The following CERS3 variants were observed in gnomAD, a reference collection of about 807,000 sequenced individuals.
CERS3 encodes the protein ceramide synthase 3.
CERS3 carries 33 observed loss-of-function variants against 50.3 expected under a neutral mutation model. The ratio of observed to expected loss-of-function variants is 0.66; its 90% CI spans 0.50 to 0.88. The LOEUF (loss-of-function observed/expected upper bound fraction) is 0.88, where lower values mean the gene tolerates loss of function less well. CERS3 is among the 40% of genes least tolerant of loss of function. The pLI is 0.00. For missense variants in CERS3, 470 were observed against 460.3 expected, an observed-to-expected ratio of 1.02 and a Z score of -0.19; for synonymous variants, 176 against 155.2, an observed-to-expected ratio of 1.13 and a Z score of -0.99.
chr15:100,457,557 GT>G (rs1335107205), intron 10 of CERS3, among the ~76,000 whole-genome samples: 9 of 152,250 alleles, frequency 5.9e-5, no homozygotes, highest in Middle Eastern at 3.4e-3. Flanking sequence ...CTGCATCACT[GT>G]TTTTTTACCT....
intron 2 of CERS3, among the ~76,000 whole-genome samples, chr15:100,515,750 C>T (rs987781170): frequency 6.6e-6 from 1 of 152,150 alleles, no homozygotes; most frequent in Non-Finnish European, 1.5e-5. Flanking sequence ...CCCCTCCCCA[C>T]CTTTTGGTTG....
intron 10 of CERS3, 46 bp downstream of exon 10, chr15:100,469,332 C>T: frequency 1.4e-6 from 2 of 1,478,556 alleles, no homozygotes; most frequent in Non-Finnish European, 1.9e-6. Flanking sequence ...ACTGAGGCCA[C>T]CTCTGCACAC....
chr15:100,504,239 CTTT>C (rs55640205), intron 2 of CERS3, among the ~76,000 whole-genome samples: 48,648 of 110,046 alleles, frequency 0.44, 9,729 homozygotes, highest in Middle Eastern at 0.55. Flanking sequence ...TTGGACTATT[CTTT>C]TTTTTTTTTT....
At chr15:100,516,266 AC>A (rs1463915262) in intron 2 of CERS3, among the ~76,000 whole-genome samples, 1 of 152,220 alleles carries the variant, frequency 6.6e-6, no homozygotes. Flanking sequence ...TGAATGCAGC[AC>A]TTCATATACC....
At position 100,455,991 on chromosome 15, in the gene CERS3, A is replaced by T; in HGVS notation, c.901T>A (p.Tyr301Asn). ...ATGAGCTGTAGGTTGAGGAAGATGT[A>T]TGAAAAGAAAGGCTCGAGGTGATAC... Reference protein sequence around the residue: ...PMYHLEPFFSYIFLNLQLMIL... With the variant: ...PMYHLEPFFSNIFLNLQLMIL... Residue 301 changes from tyrosine to asparagine, a missense_variant, in exon 11 of 12, where the codon TAC (tyrosine) becomes AAC (asparagine). Tyr to Asn is a moderately radical substitution (Grantham distance 143). Coordinates refer to ENST00000679737, the MANE Select transcript of CERS3 (RefSeq NM_001378789.1). 1 of 1,613,412 alleles carries T rather than the reference A, an allele frequency of 6.2e-7. No individual in the cohort carries two copies. The highest frequency in any genetic ancestry group is 8.5e-7 in the Non-Finnish European group (1 of 1,179,602).
chr15:100,438,348 A>G (rs1286351494), intron 11 of CERS3, among the ~76,000 whole-genome samples: 3 of 151,984 alleles, frequency 2.0e-5, no homozygotes, highest in Admixed American at 2.0e-4. Flanking sequence ...CCCGGCCTGT[A>G]TTCACTATTT....
rs112307246 is a variant in CERS3, at chr15:100,469,319, T to C, written c.845+59A>G. The C allele has an allele frequency of 2.5e-3, 3,188 of 1,272,838 alleles. 65 individuals carry two copies. The African/African-American group carries it at 0.04, about 16-fold the overall frequency. The allele number at this position is 1,272,838 out of a possible 1,614,324, so 78.8% of individuals were successfully genotyped here. ...AAGGGCAATGCCCTGAGGGTAACCA[T>C]GCACTGAGGCCACCTCTGCACACTG... On this transcript the variant is annotated intron_variant, in intron 10 of 11. Coordinates refer to ENST00000679737, the MANE Select transcript of CERS3 (RefSeq NM_001378789.1).
chr15:100,467,769 C>G (rs11247207), intron 10 of CERS3, among the ~76,000 whole-genome samples: 3 of 129,168 alleles, frequency 2.3e-5, no homozygotes, highest in Non-Finnish European at 3.3e-5. Context: ...CTCTCTCTCT[C>G]TATATATATA....
intron 2 of CERS3, among the ~76,000 whole-genome samples, chr15:100,503,358 G>T (rs2036067936): frequency 6.6e-6 from 1 of 152,142 alleles, no homozygotes; most frequent in Non-Finnish European, 1.5e-5. Flanking sequence ...CCTTTCAGAA[G>T]TATTCTGAAA....
At chr15:100,469,328 G>T in intron 10 of CERS3, 50 bp downstream of exon 10, 1 of 1,427,344 alleles carries the variant, frequency 7.0e-7, no homozygotes, top group Non-Finnish European at 9.9e-7. Context: ...ATGCACTGAG[G>T]CCACCTCTGC....
chr15:100,418,410 T>C (rs887910316), intron 11 of CERS3, among the ~76,000 whole-genome samples: 2 of 150,568 alleles, frequency 1.3e-5, no homozygotes, highest in Admixed American at 6.6e-5. Context: ...GAGCAAAGCC[T>C]CCAAGAAATA....
intron 9 of CERS3, among the ~76,000 whole-genome samples, chr15:100,471,391 T>A (rs925481174): frequency 6.6e-6 from 1 of 152,334 alleles, no homozygotes; most frequent in East Asian, 1.9e-4. Context: ...TAGGGAATCA[T>A]GTCACATCAG....
chr15:100,454,232 T>A (rs1319823587), intron 11 of CERS3, among the ~76,000 whole-genome samples: 3 of 151,652 alleles, frequency 2.0e-5, no homozygotes, highest in Non-Finnish European at 4.4e-5. Context: ...CTACGAAAAA[T>A]TTTAAAAATT....
At chr15:100,470,864 A>T (rs1465117612) in intron 9 of CERS3, among the ~76,000 whole-genome samples, 1 of 152,186 alleles carries the variant, frequency 6.6e-6, no homozygotes, top group Non-Finnish European at 1.5e-5. Context: ...CAAAAGAAAG[A>T]GCTAAGAAAT....
intron 10 of CERS3, among the ~76,000 whole-genome samples, chr15:100,464,983 A>T (rs749418543): frequency 3.9e-5 from 6 of 152,268 alleles, no homozygotes; most frequent in Admixed American, 2.0e-4. Flanking sequence ...AGAGTATGCA[A>T]ATGTGCTTGA....
rs547894221 is a variant in CERS3, at chr15:100,537,844, C to G, written c.-355+6807G>C. 9.2e-5 allele frequency among the ~76,000 whole-genome samples: 14 copies of G among 152,270 alleles called. No homozygotes were observed. In the East Asian group the frequency reaches 2.5e-3, roughly 27 times the overall value. ...TCCCCAAAGTCTTAATTCATTCCAG[C>G]ATTAACCCAAAAGTCCAAGTCCAAA... On this transcript the variant is annotated intron_variant, in intron 1 of 12. Coordinates refer to the CERS3 transcript ENST00000284382.
intron 11 of CERS3, among the ~76,000 whole-genome samples, chr15:100,405,244 AAAAAC>A (rs989333510): frequency 1.0e-4 from 4 of 38,744 alleles, no homozygotes; most frequent in African/African-American, 1.3e-4. Flanking sequence ...AAAAAAAAAA[AAAAAC>A]AAAAAAAAAC....
rs537909964 is a variant in CERS3, at chr15:100,519,511, A to C, written c.-2+2156T>G. 3.2e-4 allele frequency among the ~76,000 whole-genome samples: 48 copies of C among 152,336 alleles called. 2 individuals are homozygous for C. The South Asian group carries it at 9.7e-3, about 31-fold the overall frequency. On this transcript the variant is annotated intron_variant, in intron 2 of 11. Coordinates refer to ENST00000679737, the MANE Select transcript of CERS3 (RefSeq NM_001378789.1). ...CTACTCCCTGGAATATACATACGAA[A>C]GACACTAAACCTACATGGATTCTAA... is the stretch of plus-strand genomic sequence containing the variant.
At chr15:100,505,276 T>G (rs1165690932) in intron 2 of CERS3, among the ~76,000 whole-genome samples, 1 of 152,232 alleles carries the variant, frequency 6.6e-6, no homozygotes, top group African/African-American at 2.4e-5. Flanking sequence ...GTACAGATTA[T>G]TTTGTATCAT....
Sources: gnomAD v4.1 joint callset for allele counts (sites outside exome capture counted in the v4.1 genomes callset) on GRCh38, gnomAD v4.1.1 for gene constraint, MANE v1.5 for transcripts, NCBI Gene and HGNC (gene_info 2026-07-23, HGNC 2026-07-21) for gene names.